LMX1A: variants seen among roughly 807,000 people sequenced by gnomAD.
LMX1A encodes the protein LIM homeobox transcription factor 1-alpha.
A neutral mutation model predicts 49.1 loss-of-function variants in LMX1A; 15 were observed. The ratio of observed to expected loss-of-function variants is 0.31; its 90% CI spans 0.20 to 0.47. The LOEUF is 0.47. Among genes scored for constraint, LMX1A ranks in the 20% least tolerant of loss-of-function variants. LMX1A has a pLI of 1.00. For missense variants in LMX1A, 372 were observed against 475.8 expected (o/e 0.78, Z 2.03); for synonymous variants, 167 against 185.7 (o/e 0.90, Z 0.82).
At chr1:165,210,618 T>G in intron 6 of LMX1A, 81 bp downstream of exon 6, 2 of 1,001,042 alleles carry the variant, frequency 2.0e-6, no homozygotes, top group Non-Finnish European at 1.5e-6. Context: ...CGAGAAAACC[T>G]GGCAGCAAGT....
intron 3 of LMX1A, among the ~76,000 whole-genome samples, chr1:165,250,586 TC>T (rs1435598009): frequency 1.3e-5 from 2 of 152,208 alleles, no homozygotes; most frequent in Non-Finnish European, 2.9e-5. Flanking sequence ...ACTTAACTCT[TC>T]TTTCATTTAT....
intron 4 of LMX1A, among the ~76,000 whole-genome samples, chr1:165,236,514 A>G (rs1203297123): frequency 6.6e-6 from 1 of 152,028 alleles, no homozygotes; most frequent in Non-Finnish European, 1.5e-5. Context: ...ATTGCATGGG[A>G]CACACTTATA....
At chr1:165,287,825 T>G (rs1022261768) in intron 3 of LMX1A, among the ~76,000 whole-genome samples, 2 of 152,210 alleles carry the variant, frequency 1.3e-5, no homozygotes, top group Non-Finnish European at 2.9e-5. Context: ...ATGCCTTATA[T>G]TTCTCTAAAG....
chr1:165,236,586 C>G (rs1337976204), intron 4 of LMX1A, among the ~76,000 whole-genome samples: 3 of 152,052 alleles, frequency 2.0e-5, no homozygotes, highest in Non-Finnish European at 4.4e-5. Flanking sequence ...TCTCACAACC[C>G]TAACTATACC....
In LMX1A at chr1:165,355,461, G is replaced by C; in HGVS notation, c.76+23C>G. 6.2e-7 allele frequency: 1 copy of C among 1,612,488 alleles called. No homozygotes were observed. Among genetic ancestry groups the C allele is most frequent in the Admixed American group, 1.7e-5 (1 of 59,942 alleles). ...GCCAAGCGGAAAGAGAGTGCGCCCA[G>C]GACGCACGGCCTGAACACTCACCCA... is the stretch of plus-strand genomic sequence containing the variant. On this transcript the variant is annotated intron_variant, in intron 2 of 8. Coordinates refer to ENST00000342310, the MANE Select transcript of LMX1A (RefSeq NM_177398.4). The surrounding 1 kb of genome is among the most constrained non-coding windows in gnomAD (Gnocchi z 4.7).
In LMX1A at chr1:165,284,272, G is replaced by A. The variant is rs116046166; in HGVS notation, c.264-34632C>T. On this transcript the variant is annotated intron_variant, in intron 3 of 8. Transcript: ENST00000342310. ...ACATTGTAAAGCGTGAGCTGTAAAT[G>A]TATGGATTATTAACGGTATTGAGAT... Among the ~76,000 whole-genome samples the A allele has an allele frequency of 3.7e-4, 57 of 152,338 alleles. 1 individual carries two copies. Among genetic ancestry groups the A allele is most frequent in the Non-Finnish European group, 7.1e-4 (48 of 68,034 alleles).
At chr1:165,323,713 T>C (rs1178010919) in intron 3 of LMX1A, among the ~76,000 whole-genome samples, 1 of 152,214 alleles carries the variant, frequency 6.6e-6, no homozygotes, top group Admixed American at 6.5e-5. Context: ...TCATCCCATT[T>C]TAGGACTTCT....
intron 4 of LMX1A, among the ~76,000 whole-genome samples, chr1:165,234,408 G>T (rs939446463): frequency 3.3e-5 from 5 of 152,084 alleles, no homozygotes; most frequent in Admixed American, 3.3e-4. Context: ...AGGAATGATT[G>T]CGCCAGACTC....
chr1:165,283,474 C>CCTCTTCTTTTTCCTCCTCTTCCTCTTT (rs1654212060), intron 3 of LMX1A, among the ~76,000 whole-genome samples: 4 of 152,184 alleles, frequency 2.6e-5, no homozygotes, highest in African/African-American at 9.7e-5. Flanking sequence ...ACCTCCTCCT[C>CCTCTTCTTTTTCCTCCTCTTCCTCTTT]CTCTTCTTTT....
In LMX1A at chr1:165,355,818, C is replaced by G. The variant is rs1445199078; in HGVS notation, c.-22-237G>C. Reference sequence around the variant, plus strand: ...CGTTATGTACTTAGGCCTCCGCCCCCCAACTGCGTTTCTCCTTCTCCTGCC... The same window carrying G: ...CGTTATGTACTTAGGCCTCCGCCCCGCAACTGCGTTTCTCCTTCTCCTGCC... On this transcript the variant is annotated intron_variant, in intron 1 of 8. Coordinates refer to ENST00000342310, the MANE Select transcript of LMX1A (RefSeq NM_177398.4). The surrounding 1 kb of genome is among the most constrained non-coding windows in gnomAD (Gnocchi z 4.7). The G allele has an allele frequency of 8.0e-6, 4 of 501,530 alleles. No homozygotes were observed. Among genetic ancestry groups the G allele is most frequent in the South Asian group, 2.9e-5 (1 of 34,424 alleles). The allele number at this position is 501,530 out of a possible 1,614,324, so 31.1% of individuals were successfully genotyped here. A position where few individuals can be genotyped will look rare whatever the true frequency, so the allele number is the denominator to read the frequency against.
intron 2 of LMX1A, among the ~76,000 whole-genome samples, chr1:165,353,930 C>A (rs1292782061): frequency 1.3e-5 from 2 of 152,196 alleles, no homozygotes; most frequent in Admixed American, 1.3e-4. Flanking sequence ...AGAAGCAAGC[C>A]GCTGAGTGTC....
chr1:165,252,107 C>A (rs1653078925), intron 3 of LMX1A, among the ~76,000 whole-genome samples: 1 of 152,144 alleles, frequency 6.6e-6, no homozygotes, highest in Admixed American at 6.5e-5. Flanking sequence ...TATTATTTTA[C>A]TTTTCCCAAG....
At chr1:165,282,399 T>C (rs1248128006) in intron 3 of LMX1A, among the ~76,000 whole-genome samples, 1 of 152,262 alleles carries the variant, frequency 6.6e-6, no homozygotes, top group East Asian at 1.9e-4. Flanking sequence ...CCCTTCTGTA[T>C]ACTTTCATTC....
At position 165,203,723 on chromosome 1, in the gene LMX1A, A is replaced by G. The variant is rs1288536077; in HGVS notation, c.*157T>C. The G allele has an allele frequency of 1.7e-6, 1 of 589,776 alleles. No homozygotes were observed. Among genetic ancestry groups the G allele is most frequent in the Non-Finnish European group, 3.1e-6 (1 of 327,730 alleles). 36.5% of individuals were successfully genotyped at this position (589,776 alleles called of 1,614,324 possible). On this transcript the variant is annotated 3_prime_UTR_variant, in exon 9 of 9. Coordinates refer to ENST00000342310, the MANE Select transcript of LMX1A (RefSeq NM_177398.4). ...TCCATAATGTATTCAGTCTTTGGAAATGCTGAGCTACACCATATCATTATA... is the reference window on the plus strand; with the variant it reads ...TCCATAATGTATTCAGTCTTTGGAAGTGCTGAGCTACACCATATCATTATA...
intron 4 of LMX1A, among the ~76,000 whole-genome samples, chr1:165,219,924 G>A (rs1651777465): frequency 6.6e-6 from 1 of 152,202 alleles, no homozygotes; most frequent in East Asian, 1.9e-4. Flanking sequence ...TAAGAGAGGG[G>A]ACTAGGGAAG....
At position 165,203,030 on chromosome 1, in the gene LMX1A, C is replaced by A. The variant is rs1034690857; in HGVS notation, c.*850G>T. 6.6e-6 allele frequency: 1 copy of A among 152,650 alleles called. No individual in the cohort carries two copies. Among genetic ancestry groups the A allele is most frequent in the Admixed American group, 6.5e-5 (1 of 15,284 alleles). 9.5% of individuals were successfully genotyped at this position (152,650 alleles called of 1,614,324 possible). A position where few individuals can be genotyped will look rare whatever the true frequency, so the allele number is the denominator to read the frequency against. The stretch of plus-strand genomic sequence containing the variant: ...AAGCTCAAGAGCTGAACCAATCATC[C>A]TAGCACTGCCCAACAACCACTTGTC... On this transcript the variant is annotated 3_prime_UTR_variant, in exon 9 of 9. Coordinates refer to ENST00000342310, the MANE Select transcript of LMX1A (RefSeq NM_177398.4).
intron 3 of LMX1A, among the ~76,000 whole-genome samples, chr1:165,341,060 C>T (rs1025073433): frequency 6.6e-6 from 1 of 152,176 alleles, no homozygotes; most frequent in African/African-American, 2.4e-5. Context: ...CAGTTTGCCA[C>T]CAGAATTACC....
chr1:165,303,059 T>G lies in LMX1A; in HGVS notation c.263+50017A>C, dbSNP rs183703294. Among the ~76,000 whole-genome samples, 10 of 152,378 alleles carry G rather than the reference T, an allele frequency of 6.6e-5. No homozygotes were observed. In the East Asian group the frequency reaches 1.7e-3, roughly 26 times the overall value. On this transcript the variant is annotated intron_variant, in intron 3 of 8. Transcript: ENST00000342310. Reference sequence around the variant, plus strand: ...TGTCTTCATTATAAATTGCTTCAAATCTTCTTTGGAAGGATAGAGTATAAA... The same window carrying G: ...TGTCTTCATTATAAATTGCTTCAAAGCTTCTTTGGAAGGATAGAGTATAAA...
At chr1:165,316,641 A>G (rs1437192204) in intron 3 of LMX1A, among the ~76,000 whole-genome samples, 6 of 152,216 alleles carry the variant, frequency 3.9e-5, no homozygotes, top group African/African-American at 1.4e-4. Context: ...CTGGAGCCAT[A>G]GGAGAAATCT....
Sources: allele counts gnomAD v4.1 joint callset (sites outside exome capture counted in the v4.1 genomes callset), GRCh38; gene constraint gnomAD v4.1.1; non-coding constraint Gnocchi (gnomAD v3.1); transcripts MANE v1.5; gene names NCBI Gene and HGNC (gene_info 2026-07-23, HGNC 2026-07-21).